Variants in EPS8 observed in about 807,000 individuals in gnomAD.
EPS8 encodes the protein EGFR pathway substrate 8, signaling adaptor.
EPS8 carries 42 observed loss-of-function variants against 103.8 expected under a neutral mutation model. The observed-to-expected ratio is 0.40, with a 90% CI of 0.32 to 0.52. The LOEUF (loss-of-function observed/expected upper bound fraction) is 0.52. EPS8 is among the 20% of genes least tolerant of loss of function. The pLI is 0.40. For synonymous variants in EPS8, 344 were observed against 344.6 expected, an observed-to-expected ratio of 1.00 and a Z score of 0.02; for missense variants, 969 against 1,005.1, an observed-to-expected ratio of 0.96 and a Z score of 0.49.
intron 1 of EPS8, among the ~76,000 whole-genome samples, chr12:15,708,631 A>C (rs747753938): frequency 6.6e-6 from 1 of 152,234 alleles, no homozygotes; most frequent in Non-Finnish European, 1.5e-5. Context: ...GTGCACGCCT[A>C]CTATTTCTCA....
At chr12:15,669,616 T>A in intron 5 of EPS8, 48 bp downstream of exon 5, 1 of 1,554,068 alleles carries the variant, frequency 6.4e-7, no homozygotes, top group Non-Finnish European at 8.7e-7. Flanking sequence ...AACATTAATA[T>A]TTGTGGAGTT....
chr12:15,702,719 A>G lies in EPS8; in HGVS notation c.-21-19747T>C, dbSNP rs966138267. Among the ~76,000 whole-genome samples the G allele has an allele frequency of 3.9e-5, 6 of 152,200 alleles. No individual in the cohort carries two copies. In the South Asian group the frequency reaches 1.2e-3, roughly 31 times the overall value. Reference sequence around the variant, plus strand: ...ATATAAATATGAAGAAAAAAATTGCATGCTTAATATTTTACCTATATCCAA... The same window carrying G: ...ATATAAATATGAAGAAAAAAATTGCGTGCTTAATATTTTACCTATATCCAA... On this transcript the variant is annotated intron_variant, in intron 1 of 20. Coordinates refer to ENST00000281172, the MANE Select transcript of EPS8 (RefSeq NM_004447.6). The surrounding 1 kb of genome is among the most constrained non-coding windows in gnomAD (Gnocchi z 5.1).
Position 15,665,829 on chromosome 12 carries a change from A to C in EPS8, c.663T>G (p.Pro221=). The C allele has an allele frequency of 6.2e-7, 1 of 1,613,918 alleles. No homozygotes were observed. Among genetic ancestry groups the C allele is most frequent in the Non-Finnish European group, 8.5e-7 (1 of 1,179,920 alleles). Residue 221 remains proline, a synonymous_variant, in exon 8 of 21, where the codon CCT becomes CCG. Transcript: ENST00000281172. ...PPPRAPAPAP[P]GTVTQVDVRS... ...TAACATCCACCTGGGTGACGGTCCC[A>C]GGGGGCGCAGGGGCAGGAGCTCTGG...
At chr12:15,765,853 G>T (rs952992425) in intron 1 of EPS8, among the ~76,000 whole-genome samples, 1 of 141,138 alleles carries the variant, frequency 7.1e-6, no homozygotes, top group Non-Finnish European at 1.5e-5. Context: ...TTGCTCTGTC[G>T]CCCAGGCTGG....
rs1947325976 is a variant in EPS8 at position 15,787,815 on chromosome 12, G to GT, written c.-22+1345dup. On this transcript the variant is annotated intron_variant, in intron 1 of 20. Transcript: ENST00000281172. The surrounding 1 kb of genome is among the most constrained non-coding windows in gnomAD (Gnocchi z 4.9). ...TCTATACTGTTTTAACTGTCAAATT[G>GT]TAAGTAAAAGTGTGAATTCGTGACC... 6.6e-6 allele frequency: 1 copy of GT among 152,092 alleles called. No homozygotes were observed. The highest frequency in any genetic ancestry group is 1.5e-5 in the Non-Finnish European group (1 of 68,022). 9.4% of individuals were successfully genotyped at this position (152,092 alleles called of 1,614,324 possible).
At position 15,640,780 on chromosome 12, in the gene EPS8, T is replaced by G; in HGVS notation, c.1744A>C (p.Asn582His). Residue 582 changes from asparagine to histidine, a missense_variant, in exon 17 of 21, where the codon AAT becomes CAT. By Grantham distance (68) the Asn-to-His change is moderately conservative. Coordinates refer to ENST00000281172, the MANE Select transcript of EPS8 (RefSeq NM_004447.6). Reference protein sequence around the residue: ...NASGDSGFVPNNILDIVRPPE... With the variant: ...NASGDSGFVPHNILDIVRPPE... ...GGTCTCACAATATCCAAAATGTTAT[T>G]TGGCACAAATCCAGAGTCTCCACTT... 3.7e-6 allele frequency: 6 copies of G among 1,614,040 alleles called. No individual in the cohort carries two copies. The highest frequency in any genetic ancestry group is 4.2e-6 in the Non-Finnish European group (5 of 1,179,930).
rs201146572 is a variant in EPS8, at chr12:15,624,300, C to A, written c.2152G>T (p.Val718Phe). 2.5e-6 allele frequency: 4 copies of A among 1,613,816 alleles called. No individual in the cohort carries two copies. In the Admixed American group the frequency reaches 5.0e-5, roughly 20 times the overall value. The change falls in exon 19 of 21, where the codon GTT becomes TTT. Residue 718 changes from valine to phenylalanine, a missense_variant. Transcript: ENST00000281172. Reference sequence around the variant, plus strand: ...GTGGAGTCGTAAGTGATATTGATAACTGGCACGTTCTGCCGTGGCACATGG... The same window carrying A: ...GTGGAGTCGTAAGTGATATTGATAAATGGCACGTTCTGCCGTGGCACATGG... ...KFHVPRQNVP[V>F]INITYDSTPE... is the part of the protein sequence containing the mutation.
chr12:15,776,498 T>C lies in EPS8; in HGVS notation c.-22+12663A>G, dbSNP rs183398158. Among the ~76,000 whole-genome samples the C allele has an allele frequency of 5.3e-4, 81 of 152,250 alleles. No homozygotes were observed. The highest frequency in any genetic ancestry group is 1.9e-3 in the African/African-American group (77 of 41,540). On this transcript the variant is annotated intron_variant, in intron 1 of 20. Coordinates refer to ENST00000281172, the MANE Select transcript of EPS8 (RefSeq NM_004447.6). This position sits in a 1 kb window ranked among gnomAD's most constrained non-coding sequence, Gnocchi z 4.2. ...ATTGGCCTCTATGCATCAGCAAGCA[T>C]TTGTTACACCTAATACCCAAAACCC...
intron 1 of EPS8, among the ~76,000 whole-genome samples, chr12:15,699,028 C>T (rs955684513): frequency 4.6e-5 from 7 of 152,150 alleles, no homozygotes; most frequent in Non-Finnish European, 1.0e-4. Context: ...GCATGGCTCA[C>T]CACAACCTAC....
At chr12:15,766,351 G>T (rs1196768078) in intron 1 of EPS8, among the ~76,000 whole-genome samples, 1 of 151,628 alleles carries the variant, frequency 6.6e-6, no homozygotes, top group African/African-American at 2.4e-5. Context: ...AAAATAGCTG[G>T]GCCTGGTGGT....
intron 3 of EPS8, among the ~76,000 whole-genome samples, chr12:15,679,572 C>T (rs1945968546): frequency 6.6e-6 from 1 of 152,178 alleles, no homozygotes; most frequent in African/African-American, 2.4e-5. Flanking sequence ...CTGTAGCATC[C>T]TCCGACCCCT....
Position 15,704,565 on chromosome 12 carries a change from G to A in EPS8, c.-21-21593C>T, listed in dbSNP as rs930036945. Among the ~76,000 whole-genome samples, 5 of 152,240 alleles carry A rather than the reference G, an allele frequency of 3.3e-5. No homozygotes were observed. The highest frequency in any genetic ancestry group is 2.1e-4 in the South Asian group (1 of 4,828). ...CAGAAAGCATAATGGTGGCTGCCAG[G>A]GGCTGTGGAAGGTGGAGAATGGGTA... On this transcript the variant is annotated intron_variant, in intron 1 of 20. Coordinates refer to ENST00000281172, the MANE Select transcript of EPS8 (RefSeq NM_004447.6). The surrounding 1 kb of genome is among the most constrained non-coding windows in gnomAD (Gnocchi z 4.6).
intron 1 of EPS8, among the ~76,000 whole-genome samples, chr12:15,754,952 G>A (rs1334438790): frequency 6.6e-6 from 1 of 152,216 alleles, no homozygotes; most frequent in Non-Finnish European, 1.5e-5. Context: ...AAGGGAAGCA[G>A]TGCTGCTTCC....
intron 17 of EPS8, 55 bp from the exon 18 acceptor site, chr12:15,631,719 GA>G: frequency 7.3e-7 from 1 of 1,371,876 alleles, no homozygotes; most frequent in Non-Finnish European, 9.9e-7. Context: ...CCTAGGCTAG[GA>G]AAACAAATTA....
chr12:15,665,232 A>C (rs1366464331), intron 8 of EPS8: 1 of 152,096 alleles, frequency 6.6e-6, no homozygotes. Context: ...AAATAAAAAG[A>C]CTCTAACCCT....
chr12:15,725,471 C>A lies in EPS8; in HGVS notation c.-21-42499G>T, dbSNP rs1946642372. On this transcript the variant is annotated intron_variant, in intron 1 of 20. Coordinates refer to ENST00000281172, the MANE Select transcript of EPS8 (RefSeq NM_004447.6). The surrounding 1 kb of genome is among the most constrained non-coding windows in gnomAD (Gnocchi z 4.5). ...TGTCTCAAAAAAAAAAGGAAAAAAA[C>A]TAAAAAAAAAAAAAAAATCTGCATG... 6.8e-6 allele frequency among the ~76,000 whole-genome samples: 1 copy of A among 146,058 alleles called. No homozygotes were observed. The highest frequency in any genetic ancestry group is 1.5e-5 in the Non-Finnish European group (1 of 66,400).
At chr12:15,691,992 T>G (rs538515987) in intron 1 of EPS8, among the ~76,000 whole-genome samples, 1 of 152,100 alleles carries the variant, frequency 6.6e-6, no homozygotes, top group East Asian at 1.9e-4. Flanking sequence ...CAGGCTTCTT[T>G]CCCAGATATA....
In EPS8 at chr12:15,780,693, C is replaced by T. The variant is rs971846149; in HGVS notation, c.-22+8468G>A. The T allele has an allele frequency of 1.5e-4, 23 of 152,116 alleles. No individual in the cohort carries two copies. The highest frequency in any genetic ancestry group is 5.1e-4 in the African/African-American group (21 of 41,394). The allele number at this position is 152,116 out of a possible 1,614,324, so 9.4% of individuals were successfully genotyped here. ...CCTTCAGCTCCACACTGTACTAAAA[C>T]GGGTGTCTGGCTGCCTCCATTCTCT... On this transcript the variant is annotated intron_variant, in intron 1 of 20. Transcript: ENST00000281172. This position sits in a 1 kb window ranked among gnomAD's most constrained non-coding sequence, Gnocchi z 4.1.
intron 12 of EPS8, among the ~76,000 whole-genome samples, chr12:15,655,864 A>G (rs1945498903): frequency 6.6e-6 from 1 of 152,224 alleles, no homozygotes; most frequent in Admixed American, 6.5e-5. Flanking sequence ...GCTGGCCAGT[A>G]GCAGGCCCTG....
Sources: allele counts gnomAD v4.1 joint callset (sites outside exome capture counted in the v4.1 genomes callset), GRCh38; gene constraint gnomAD v4.1.1; non-coding constraint Gnocchi (gnomAD v3.1); transcripts MANE v1.5; gene names NCBI Gene and HGNC (gene_info 2026-07-23, HGNC 2026-07-21).